C10orf53: variants seen among roughly 807,000 people sequenced by gnomAD.
C10orf53 encodes the protein UPF0728 protein C10orf53.
C10orf53 carries 8 observed loss-of-function variants against 9.4 expected under a neutral mutation model. The ratio of observed to expected loss-of-function variants is 0.85; its 90% CI spans 0.50 to 1.53. The LOEUF is 1.53. Ranked by LOEUF, C10orf53 falls within the 40% of genes most tolerant of loss-of-function variation. The probability of loss-of-function intolerance (pLI) is 0.00; values close to 1 mark genes in which losing one functional copy is unlikely to be tolerated. For missense variants in C10orf53, 117 were observed against 117.8 expected (o/e 0.99, Z 0.03); for synonymous variants, 48 against 46.0 (o/e 1.04, Z -0.18).
chr10:49,708,663 A>G lies in C10orf53; in HGVS notation c.*46A>G, dbSNP rs754375206. ...GGAAAGGGGTTCATTTCACAAAAGG[A>G]AAATGGTGGGTCTGTTTCCAGAATA... is the stretch of plus-strand genomic sequence containing the variant. On this transcript the variant is annotated 3_prime_UTR_variant, in exon 3 of 3. Transcript: ENST00000374112. The G allele has an allele frequency of 4.4e-6, 7 of 1,600,934 alleles. No homozygotes were observed. The African/African-American group carries it at 9.4e-5, about 21-fold the overall frequency.
chr10:49,700,848 A>G (rs967203423), downstream of C10orf53, among the ~76,000 whole-genome samples: 3 of 152,166 alleles, frequency 2.0e-5, no homozygotes, highest in Non-Finnish European at 2.9e-5. Flanking sequence ...ACCACTGGGC[A>G]TGCAGCCCCC....
At chr10:49,708,454 C>A in exon 3 of C10orf53, 1 of 1,614,136 alleles carries the variant, frequency 6.2e-7, no homozygotes, top group Non-Finnish European at 8.5e-7. Context: ...AAAGTTTCTC[C>A]TTTGCAACAG....
At chr10:49,688,301 T>C (rs2132878156) in intron 1 of C10orf53, among the ~76,000 whole-genome samples, 1 of 152,250 alleles carries the variant, frequency 6.6e-6, no homozygotes, top group East Asian at 1.9e-4. Flanking sequence ...CTGTTTAGTC[T>C]GTCAACACAA....
rs528612378 is a variant in C10orf53 at position 49,685,545 on chromosome 10, A to G, written c.97+5751A>G. 3.6e-4 allele frequency among the ~76,000 whole-genome samples: 55 copies of G among 152,324 alleles called. No homozygotes were observed. The East Asian group carries it at 4.6e-3, about 13-fold the overall frequency. ...AATGTATATATATTTGTGTATGTAT[A>G]TGTACACACACACACACTTACACAC... is the stretch of plus-strand genomic sequence containing the variant. On this transcript the variant is annotated intron_variant, in intron 1 of 2. Coordinates refer to ENST00000374111, the MANE Select transcript of C10orf53 (RefSeq NM_001042427.3).
At chr10:49,683,601 A>G (rs1392357892) in intron 1 of C10orf53, among the ~76,000 whole-genome samples, 1 of 152,170 alleles carries the variant, frequency 6.6e-6, no homozygotes, top group Non-Finnish European at 1.5e-5. Flanking sequence ...TCTGCTGGGC[A>G]TGGTGGCTCA....
chr10:49,684,799 A>C (rs1840512070), intron 1 of C10orf53, among the ~76,000 whole-genome samples: 1 of 152,212 alleles, frequency 6.6e-6, no homozygotes, highest in South Asian at 2.1e-4. Context: ...TGCAATCTGC[A>C]AATAGAGGTA....
At position 49,696,650 on chromosome 10, in the gene C10orf53, G is replaced by A. The variant is rs965734400; in HGVS notation, c.*2048G>A. On this transcript the variant is annotated 3_prime_UTR_variant, in exon 3 of 3. Transcript: ENST00000374111. ...TAAGAAATACCGGAGAAGCTTCTGG[G>A]AGATGCCTGTGCCCAGAGCCCTATG... Among the ~76,000 whole-genome samples the A allele has an allele frequency of 1.3e-5, 2 of 152,142 alleles. No homozygotes were observed. The highest frequency in any genetic ancestry group is 2.9e-5 in the Non-Finnish European group (2 of 68,038).
chr10:49,708,044 G>C (rs531900247), intron 2 of C10orf53, among the ~76,000 whole-genome samples: 128 of 152,132 alleles, frequency 8.4e-4, no homozygotes, highest in Non-Finnish European at 1.4e-3. Context: ...CCCATCTCCT[G>C]GTTCTGTTCA....
chr10:49,692,360 C>T (rs191126891), intron 1 of C10orf53, among the ~76,000 whole-genome samples: 19 of 152,332 alleles, frequency 1.2e-4, no homozygotes, highest in African/African-American at 4.6e-4. Context: ...TCTGAAGTTC[C>T]TTTCCAGAAG....
intron 2 of C10orf53, among the ~76,000 whole-genome samples, chr10:49,706,947 A>G (rs1211680975): frequency 6.6e-6 from 1 of 152,276 alleles, no homozygotes; most frequent in East Asian, 1.9e-4. Context: ...ATTCTTGCCC[A>G]GGGTTACCTG....
chr10:49,681,678 T>C (rs1220590954), intron 1 of C10orf53, among the ~76,000 whole-genome samples: 6 of 152,198 alleles, frequency 3.9e-5, no homozygotes, highest in Non-Finnish European at 5.9e-5. Context: ...GTGAGGGCTC[T>C]GGGCGCTCTT....
At chr10:49,684,530 A>G (rs540197502) in intron 1 of C10orf53, among the ~76,000 whole-genome samples, 3 of 152,250 alleles carry the variant, frequency 2.0e-5, no homozygotes, top group Non-Finnish European at 2.9e-5. Context: ...TTCTTAATTT[A>G]TTTTAGCAAC....
At chr10:49,701,128 A>G (rs1198890666), downstream of C10orf53, among the ~76,000 whole-genome samples, 1 of 152,124 alleles carries the variant, frequency 6.6e-6, no homozygotes, top group African/African-American at 2.4e-5. Flanking sequence ...GGTACTCCTC[A>G]CTTTACAGAT....
chr10:49,691,322 G>C (rs560109855), intron 1 of C10orf53, among the ~76,000 whole-genome samples: 2 of 152,234 alleles, frequency 1.3e-5, no homozygotes, highest in African/African-American at 4.8e-5. Flanking sequence ...ATTCAATGTA[G>C]ACTCTGAGGT....
At chr10:49,680,553 G>A (rs936938810) in intron 1 of C10orf53, among the ~76,000 whole-genome samples, 1 of 152,220 alleles carries the variant, frequency 6.6e-6, no homozygotes, top group African/African-American at 2.4e-5. Flanking sequence ...TAAACTGATG[G>A]GGGATGAGGC....
chr10:49,698,311 C>T (rs371534908), downstream of C10orf53, among the ~76,000 whole-genome samples: 2 of 152,204 alleles, frequency 1.3e-5, no homozygotes, highest in East Asian at 1.9e-4. Context: ...AAAAACCTGA[C>T]AATCCTTGCA....
At chr10:49,699,759 C>G (rs1840666981), downstream of C10orf53, among the ~76,000 whole-genome samples, 1 of 152,130 alleles carries the variant, frequency 6.6e-6, no homozygotes, top group African/African-American at 2.4e-5. Context: ...CTTGACCCAA[C>G]CATTTGGTTA....
intron 1 of C10orf53, among the ~76,000 whole-genome samples, chr10:49,682,175 G>A (rs1365781573): frequency 2.0e-5 from 3 of 152,110 alleles, no homozygotes; most frequent in Non-Finnish European, 4.4e-5. Context: ...TTACAATGTT[G>A]TGGAACCATC....
chr10:49,708,892 C>A (rs1242978728), exon 3 of C10orf53: 10 of 472,428 alleles, frequency 2.1e-5, no homozygotes, highest in Non-Finnish European at 3.8e-5. Flanking sequence ...CCCCCACCAT[C>A]TTCTGAAGTG....
Sources: gnomAD v4.1 joint callset for allele counts (sites outside exome capture counted in the v4.1 genomes callset) on GRCh38, gnomAD v4.1.1 for gene constraint, MANE v1.5 for transcripts, NCBI Gene and HGNC (gene_info 2026-07-23, HGNC 2026-07-21) for gene names.